The following ABHD12 variants were observed in gnomAD, a reference collection of about 807,000 sequenced individuals.
ABHD12 encodes lysophosphatidylserine lipase ABHD12.
ABHD12 carries 43 observed loss-of-function variants against 58.3 expected under a neutral mutation model. The observed-to-expected ratio is 0.74, with a 90% CI of 0.58 to 0.95. The LOEUF (loss-of-function observed/expected upper bound fraction) is 0.95, where lower values mean the gene tolerates loss of function less well. ABHD12 is among the 40% of genes least tolerant of loss of function. The pLI is 0.00. For missense variants in ABHD12, 539 were observed against 537.2 expected (o/e 1.00, Z -0.03); for synonymous variants, 219 against 211.2 (o/e 1.04, Z -0.32).
At chr20:25,320,532 C>A (rs185327144) in intron 3 of ABHD12, among the ~76,000 whole-genome samples, 1 of 152,364 alleles carries the variant, frequency 6.6e-6, no homozygotes, top group African/African-American at 2.4e-5. Context: ...GTGGATGGCA[C>A]TGACAGCTTC....
At chr20:25,296,923 C>T (rs200767074), downstream of ABHD12, 2 of 178,508 alleles carry the variant, frequency 1.1e-5, no homozygotes, top group Non-Finnish European at 2.4e-5. Context: ...CATAGTGAAG[C>T]CTGGGAATGA....
chr20:25,324,258 A>G (rs1383812069), intron 2 of ABHD12, among the ~76,000 whole-genome samples: 2 of 152,214 alleles, frequency 1.3e-5, no homozygotes, highest in Non-Finnish European at 2.9e-5. Flanking sequence ...TTGTAAAAAC[A>G]TGCAAATGAA....
At position 25,339,270 on chromosome 20, in the gene ABHD12, T is replaced by A. The variant is rs1174343928; in HGVS notation, c.273A>T (p.Lys91Asn). The A allele has an allele frequency of 6.2e-7, 1 of 1,614,066 alleles. No individual in the cohort carries two copies. The highest frequency in any genetic ancestry group is 2.2e-5 in the East Asian group (1 of 44,876). ...GLYIAIPFLIKLCPGIQAKLI... is the reference protein window; with the variant it reads ...GLYIAIPFLINLCPGIQAKLI... ...GTTTGGCCTGTATTCCAGGACATAG[T>A]TTGATGAGAAATGGAATGGCAATGT... Residue 91 changes from lysine to asparagine, a missense_variant, in exon 2 of 13, where the codon AAA becomes AAT. Lys to Asn is a moderately conservative substitution (Grantham distance 94). Coordinates refer to ENST00000339157, the MANE Select transcript of ABHD12 (RefSeq NM_001042472.3).
At chr20:25,300,092 A>T, downstream of ABHD12, 7 of 731,226 alleles carry the variant, frequency 9.6e-6, no homozygotes, top group Non-Finnish European at 1.2e-5. Flanking sequence ...GGGACTAGAA[A>T]ATTTCATAGT....
At chr20:25,339,798 T>C in intron 1 of ABHD12, 2 of 1,228,600 alleles carry the variant, frequency 1.6e-6, no homozygotes, top group African/African-American at 1.6e-5. Flanking sequence ...AGGAAGCACG[T>C]AGACCAAGGA....
At position 25,339,563 on chromosome 20, in the gene ABHD12, GT is replaced by G; in HGVS notation, c.192-213del. On this transcript the variant is annotated intron_variant, in intron 1 of 12. Transcript: ENST00000339157. ...ATTTGGGCTTAGAACTCTACTGGGG[GT>G]AAGAGGAACTTTTTTTCTTGAAAGA... The G allele has an allele frequency of 2.1e-6, 3 of 1,442,242 alleles. 1 individual carries two copies. The African/African-American group carries it at 4.2e-5, about 20-fold the overall frequency. The allele number at this position is 1,442,242 out of a possible 1,614,324, so 89.3% of individuals were successfully genotyped here.
chr20:25,373,044 T>C (rs543882697), intron 1 of ABHD12, among the ~76,000 whole-genome samples: 50 of 152,344 alleles, frequency 3.3e-4, no homozygotes, highest in African/African-American at 1.0e-3. Flanking sequence ...TACAGTATCA[T>C]GCTGTGCAGG....
rs1281059759 is a variant in ABHD12 at position 25,325,523 on chromosome 20, T to C, written c.317-2093A>G. 3.3e-5 allele frequency among the ~76,000 whole-genome samples: 5 copies of C among 152,234 alleles called. No individual in the cohort carries two copies. In the East Asian group the frequency reaches 9.6e-4, roughly 29 times the overall value. ...GGTATCCTTATAAAATGGGGACATT[T>C]AGACACAGAGACAGAGGGAAGACCA... On this transcript the variant is annotated intron_variant, in intron 2 of 12. Transcript: ENST00000339157.
At chr20:25,389,301 G>A (rs1317698045) in intron 1 of ABHD12, among the ~76,000 whole-genome samples, 1 of 152,134 alleles carries the variant, frequency 6.6e-6, no homozygotes, top group Admixed American at 6.5e-5. Context: ...AAAACTATCA[G>A]TCTCCGCCCT....
At chr20:25,356,437 C>T (rs1452191572) in intron 1 of ABHD12, among the ~76,000 whole-genome samples, 1 of 152,252 alleles carries the variant, frequency 6.6e-6, no homozygotes, top group Non-Finnish European at 1.5e-5. Context: ...GGGTGCAGGT[C>T]CCTCTGTGGA....
At chr20:25,329,774 G>T (rs567873788) in intron 2 of ABHD12, among the ~76,000 whole-genome samples, 1 of 152,142 alleles carries the variant, frequency 6.6e-6, no homozygotes, top group Non-Finnish European at 1.5e-5. Context: ...GGAAAGCCTG[G>T]GTTGGTTATT....
chr20:25,347,823 T>G (rs1012168099), intron 1 of ABHD12, among the ~76,000 whole-genome samples: 40 of 151,676 alleles, frequency 2.6e-4, no homozygotes, highest in Admixed American at 6.6e-5. Context: ...AAGTCTATAT[T>G]ATACTTGAAA....
intron 1 of ABHD12, among the ~76,000 whole-genome samples, chr20:25,340,225 C>T (rs2089437265): frequency 6.6e-6 from 1 of 152,104 alleles, no homozygotes; most frequent in Non-Finnish European, 1.5e-5. Context: ...ATTAATTCAT[C>T]TAATAATAAC....
At chr20:25,307,411 G>A (rs1337453366) in intron 9 of ABHD12, among the ~76,000 whole-genome samples, 2 of 152,266 alleles carry the variant, frequency 1.3e-5, no homozygotes, top group African/African-American at 4.8e-5. Flanking sequence ...TGGCCAGTGG[G>A]GAGCACAGGG....
intron 1 of ABHD12, among the ~76,000 whole-genome samples, chr20:25,375,786 G>A (rs1439722451): frequency 1.3e-5 from 2 of 152,124 alleles, no homozygotes; most frequent in Admixed American, 1.3e-4. Context: ...GGTAAATTCA[G>A]CCACCTTGGT....
At chr20:25,321,657 T>G (rs975373230) in intron 3 of ABHD12, among the ~76,000 whole-genome samples, 3 of 152,220 alleles carry the variant, frequency 2.0e-5, no homozygotes, top group African/African-American at 7.2e-5. Context: ...GAGTTGTTAG[T>G]ACTTCCAGCC....
chr20:25,315,151 T>A (rs2297496), intron 5 of ABHD12, among the ~76,000 whole-genome samples, 181 bp from the exon 6 acceptor site: 4 of 152,012 alleles, frequency 2.6e-5, no homozygotes, highest in Non-Finnish European at 5.9e-5. Context: ...AGATGCCAAC[T>A]GCCACTGCAG....
At chr20:25,338,171 T>C (rs1199655015) in intron 2 of ABHD12, among the ~76,000 whole-genome samples, 3 of 151,514 alleles carry the variant, frequency 2.0e-5, no homozygotes, top group Non-Finnish European at 4.4e-5. Flanking sequence ...GCAGAGGGAG[T>C]CCGGCACCTC....
chr20:25,318,333 T>C (rs2089001139), intron 4 of ABHD12, among the ~76,000 whole-genome samples: 1 of 151,988 alleles, frequency 6.6e-6, no homozygotes. Context: ...AAATAAAAAA[T>C]AAAGGAATGA....
Sources: gnomAD v4.1 joint callset for allele counts (sites outside exome capture counted in the v4.1 genomes callset) on GRCh38, gnomAD v4.1.1 for gene constraint, MANE v1.5 for transcripts, NCBI Gene and HGNC (gene_info 2026-07-23, HGNC 2026-07-21) for gene names.